The following LINS1 variants were observed in gnomAD, a reference collection of about 807,000 sequenced individuals.
LINS1 encodes protein Lines homolog 1.
LINS1 carries 27 observed loss-of-function variants against 41.6 expected under a neutral mutation model. The ratio of observed to expected loss-of-function variants is 0.65; its 90% confidence interval spans 0.48 to 0.89. The LOEUF (loss-of-function observed/expected upper bound fraction) is 0.89, where lower values mean the gene tolerates loss of function less well. LINS1 is among the 40% of genes least tolerant of loss of function. The pLI, the probability that LINS1 is intolerant of heterozygous loss-of-function variation, is 0.00. For synonymous variants in LINS1, 336 were observed against 312.9 expected (o/e 1.07, Z -0.78); for missense variants, 955 against 884.1 (o/e 1.08, Z -1.02).
At chr15:100,588,722 C>G (rs1220891370) in intron 1 of LINS1, among the ~76,000 whole-genome samples, 1 of 152,110 alleles carries the variant, frequency 6.6e-6, no homozygotes, top group Non-Finnish European at 1.5e-5. Flanking sequence ...GCTATGCAAA[C>G]AAGGTTTTAT....
intron 1 of LINS1, among the ~76,000 whole-genome samples, chr15:100,594,608 T>A (rs541738236): frequency 6.6e-6 from 1 of 152,336 alleles, no homozygotes; most frequent in African/African-American, 2.4e-5. Context: ...CCTAGGTATT[T>A]TAAATGATCT....
chr15:100,577,545 C>T (rs1328529599), intron 3 of LINS1, among the ~76,000 whole-genome samples: 1 of 152,198 alleles, frequency 6.6e-6, no homozygotes, highest in Non-Finnish European at 1.5e-5. Flanking sequence ...AATGGAAGAA[C>T]ATTCCATGCT....
rs1286049302 is a variant in LINS1 at position 100,572,008 on chromosome 15, G to A, written c.1280C>T (p.Pro427Leu). 3 of 1,614,168 alleles carry A rather than the reference G, an allele frequency of 1.9e-6. No homozygotes were observed. In the Admixed American group the frequency reaches 5.0e-5, roughly 27 times the overall value. Residue 427 changes from proline to leucine, a missense_variant, in exon 6 of 7, where the codon CCC becomes CTC. Pro to Leu is a moderately conservative substitution (Grantham distance 98). Coordinates refer to ENST00000314742, the MANE Select transcript of LINS1 (RefSeq NM_001040616.3). ...LLTFLKPHLQ[P>L]SLQLHNPCKW... is the part of the protein sequence containing the mutation. ...GCACGGATTGTGTAATTGCAGAGAGGGCTGAAGATGAGGCTTTAAGAAGGT... is the reference window on the plus strand; with the variant it reads ...GCACGGATTGTGTAATTGCAGAGAGAGCTGAAGATGAGGCTTTAAGAAGGT...
At chr15:100,571,213 A>T (rs1219471799) in intron 6 of LINS1, among the ~76,000 whole-genome samples, 1 of 152,226 alleles carries the variant, frequency 6.6e-6, no homozygotes, top group Non-Finnish European at 1.5e-5. Flanking sequence ...GATCATTAGC[A>T]AGAAATCCCT....
At chr15:100,581,435 T>G in intron 1 of LINS1, among the ~76,000 whole-genome samples, 1 of 152,226 alleles carries the variant, frequency 6.6e-6, no homozygotes. Context: ...TGAGAACCAC[T>G]GAGCTAATTC....
chr15:100,589,482 C>A (rs2038943030), intron 1 of LINS1, among the ~76,000 whole-genome samples: 1 of 152,220 alleles, frequency 6.6e-6, no homozygotes, highest in African/African-American at 2.4e-5. Context: ...TGTGGAGAAA[C>A]AACTGGTATT....
intron 1 of LINS1, among the ~76,000 whole-genome samples, chr15:100,593,952 T>C (rs1434057082): frequency 6.6e-6 from 1 of 152,230 alleles, no homozygotes; most frequent in Non-Finnish European, 1.5e-5. Flanking sequence ...TTAATCAGGA[T>C]AGCGATTTGA....
In LINS1 at chr15:100,569,446, G is replaced by A; in HGVS notation, c.2066C>T (p.Thr689Ile). The A allele has an allele frequency of 1.2e-6, 2 of 1,614,120 alleles. No homozygotes were observed. Among genetic ancestry groups the A allele is most frequent in the Non-Finnish European group, 1.7e-6 (2 of 1,179,974 alleles). Residue 689 changes from threonine to isoleucine, a missense_variant, in exon 7 of 7, where the codon ACT becomes ATT. Coordinates refer to ENST00000314742, the MANE Select transcript of LINS1 (RefSeq NM_001040616.3). ...TACTTCACAATCAAAGGAGAAGGCA[G>A]TATCAAATTCTTTCAGAACCAGAGG... ...SRPLVLKEFD[T>I]AFSFDCEVAP...
At chr15:100,582,980 A>G (rs961456180) in intron 1 of LINS1, among the ~76,000 whole-genome samples, 1 of 150,766 alleles carries the variant, frequency 6.6e-6, no homozygotes, top group African/African-American at 2.4e-5. Flanking sequence ...TTCCATCTAC[A>G]CTACGGCCCA....
At position 100,569,795 on chromosome 15, in the gene LINS1, T is replaced by C; in HGVS notation, c.1717A>G (p.Ile573Val). 1 of 1,614,090 alleles carries C rather than the reference T, an allele frequency of 6.2e-7. No individual in the cohort carries two copies. Among genetic ancestry groups the C allele is most frequent in the Non-Finnish European group, 8.5e-7 (1 of 1,179,986 alleles). ...TGAGGAGCAGTCAAACGATGGGGTATTGTTTGGTTGGAGCTTTGGTCTTGG... is the reference window on the plus strand; with the variant it reads ...TGAGGAGCAGTCAAACGATGGGGTACTGTTTGGTTGGAGCTTTGGTCTTGG... ...LVQDQSSNQT[I>V]PHRLTAPHSH... is the part of the protein sequence containing the mutation. Residue 573 changes from isoleucine (I) to valine (V), a missense_variant, in exon 7 of 7, where the codon ATA (isoleucine) becomes GTA (valine). By Grantham distance (29) the Ile-to-Val change is conservative. Coordinates refer to ENST00000314742, the MANE Select transcript of LINS1 (RefSeq NM_001040616.3).
intron 1 of LINS1, among the ~76,000 whole-genome samples, chr15:100,598,468 G>C (rs1470123546): frequency 2.0e-5 from 3 of 152,188 alleles, no homozygotes; most frequent in African/African-American, 7.2e-5. Context: ...TAAGTTCTGA[G>C]CTCATTCAGT....
chr15:100,573,316 A>T (rs1033311214), intron 5 of LINS1: 9 of 563,460 alleles, frequency 1.6e-5, no homozygotes, highest in Admixed American at 1.7e-4. Flanking sequence ...GTTTAGATTA[A>T]AAAAAAAAAA....
chr15:100,572,327 A>G, intron 5 of LINS1: 1 of 1,250,632 alleles, frequency 8.0e-7, no homozygotes. Context: ...CTGCCTAACA[A>G]CTGTCTCTTA....
chr15:100,600,825 G>A (rs1033519697), intron 1 of LINS1, among the ~76,000 whole-genome samples: 1 of 152,134 alleles, frequency 6.6e-6, no homozygotes. Flanking sequence ...TTCCAAAGTG[G>A]TTGTATCCAG....
chr15:100,572,234 G>A, intron 5 of LINS1, 169 bp from the exon 6 acceptor site: 1 of 1,444,496 alleles, frequency 6.9e-7, no homozygotes, highest in Non-Finnish European at 9.1e-7. Context: ...TGGCAAATGA[G>A]GACACTGAGG....
chr15:100,570,583 A>C (rs1235233444), intron 6 of LINS1: 1 of 154,756 alleles, frequency 6.5e-6, no homozygotes, highest in Non-Finnish European at 1.4e-5. Flanking sequence ...CTTTTGCTGG[A>C]GCTATGGAAG....
chr15:100,597,704 C>T (rs1361583821), intron 1 of LINS1, among the ~76,000 whole-genome samples: 1 of 152,236 alleles, frequency 6.6e-6, no homozygotes, highest in Non-Finnish European at 1.5e-5. Flanking sequence ...TAGTCTTCCC[C>T]TTTTCCAGTC....
intron 1 of LINS1, among the ~76,000 whole-genome samples, chr15:100,582,310 C>T: frequency 6.9e-6 from 1 of 145,540 alleles, no homozygotes; most frequent in South Asian, 2.2e-4. Flanking sequence ...CACTATGGCC[C>T]ACTAGCCTAG....
intron 1 of LINS1, among the ~76,000 whole-genome samples, chr15:100,592,231 T>C (rs146766298): frequency 3.2e-4 from 48 of 152,366 alleles, no homozygotes; most frequent in African/African-American, 1.1e-3. Flanking sequence ...ATCTCTGCTT[T>C]TGTTGCTTCA....
Sources: gnomAD v4.1 joint callset for allele counts (sites outside exome capture counted in the v4.1 genomes callset) on GRCh38, gnomAD v4.1.1 for gene constraint, MANE v1.5 for transcripts, NCBI Gene and HGNC (gene_info 2026-07-23, HGNC 2026-07-21) for gene names.